Variants in ST7 observed in about 807,000 individuals in gnomAD.
ST7 encodes suppression of tumorigenicity 7, also known as suppressor of tumorigenicity 7 protein.
Under a neutral mutation model 78.7 loss-of-function variants are expected in ST7, and 28 were observed. That is an observed-to-expected ratio of 0.36 (90% CI 0.26 to 0.49). ST7 has a LOEUF of 0.49. ST7 is among the 20% of genes least tolerant of loss of function. The pLI, the probability that ST7 is intolerant of heterozygous loss-of-function variation, is 0.99. For synonymous variants in ST7, 247 were observed against 249.6 expected (o/e 0.99, Z 0.10); for missense variants, 418 against 696.0 (o/e 0.60, Z 4.49).
chr7:117,085,289 G>A (rs138263472), intron 1 of ST7, among the ~76,000 whole-genome samples: 1 of 152,146 alleles, frequency 6.6e-6, no homozygotes, highest in East Asian at 1.9e-4. Context: ...GCAGCTGTTG[G>A]TCTGTCTCAT....
chr7:116,978,317 C>T (rs1403038989), intron 1 of ST7, among the ~76,000 whole-genome samples: 1 of 152,184 alleles, frequency 6.6e-6, no homozygotes, highest in African/African-American at 2.4e-5. Flanking sequence ...CCAGGAGGCA[C>T]CAGCTTCCAC....
chr7:117,085,522 A>G (rs558648272), intron 1 of ST7, among the ~76,000 whole-genome samples: 10 of 152,332 alleles, frequency 6.6e-5, no homozygotes, highest in African/African-American at 2.4e-4. Context: ...GTGTGCGATG[A>G]CTATTTGCTA....
At chr7:116,986,111 ATGT>A (rs1794178833) in intron 1 of ST7, among the ~76,000 whole-genome samples, 2 of 152,240 alleles carry the variant, frequency 1.3e-5, no homozygotes, top group South Asian at 4.1e-4. Flanking sequence ...GGGACTACAG[ATGT>A]GAGCCACCAC....
chr7:117,209,901 G>A lies in ST7; in HGVS notation c.1369G>A (p.Gly457Arg), dbSNP rs1346701913. 8.7e-6 allele frequency: 14 copies of A among 1,614,034 alleles called. No individual in the cohort carries two copies. Among genetic ancestry groups the A allele is most frequent in the Non-Finnish European group, 1.2e-5 (14 of 1,179,982 alleles). The change falls in exon 13 of 16, where the codon GGG becomes AGG. Residue 457 changes from glycine to arginine, a missense_variant. Physicochemically the swap from Gly to Arg is moderately radical, Grantham distance 125. This residue lies in a region of ST7 where 288 missense variants were observed against 537.1 expected (regional missense o/e 0.54). Transcript: ENST00000323984. ...TCTTGCACACTGGAAGAGAGTGGAA[G>A]GGGCTTTGAATCTTTTGCATTGTAC... Reference protein sequence around the residue: ...FHLAHWKRVEGALNLLHCTWE... With the variant: ...FHLAHWKRVERALNLLHCTWE...
chr7:117,146,039 A>C (rs1805762209), intron 9 of ST7: 1 of 152,082 alleles, frequency 6.6e-6, no homozygotes, highest in African/African-American at 2.4e-5. Context: ...CAGGGTTTTT[A>C]GTTTTTATCA....
intron 12 of ST7, among the ~76,000 whole-genome samples, chr7:117,196,938 T>G (rs1264022179): frequency 6.6e-6 from 1 of 152,192 alleles, no homozygotes; most frequent in Non-Finnish European, 1.5e-5. Context: ...TTTAAATTTT[T>G]AATGCATTTT....
chr7:117,199,478 A>T (rs1181924791), intron 12 of ST7, among the ~76,000 whole-genome samples: 3 of 152,168 alleles, frequency 2.0e-5, no homozygotes, highest in Non-Finnish European at 4.4e-5. Flanking sequence ...ACATATTTGA[A>T]CTACTTTTAC....
At chr7:116,967,299 G>A in intron 1 of ST7, 1 of 471,138 alleles carries the variant, frequency 2.1e-6, no homozygotes, top group Non-Finnish European at 4.4e-6. Flanking sequence ...ACCCGCAGTG[G>A]TGGTGGCCAT....
At chr7:117,069,627 C>T (rs973827542) in intron 1 of ST7, among the ~76,000 whole-genome samples, 1 of 152,198 alleles carries the variant, frequency 6.6e-6, no homozygotes, top group Non-Finnish European at 1.5e-5. Context: ...ATCCCCTTGA[C>T]TTGTTACTTC....
chr7:117,046,095 T>C (rs1036530224), intron 1 of ST7, among the ~76,000 whole-genome samples: 25 of 152,328 alleles, frequency 1.6e-4, no homozygotes, highest in African/African-American at 5.8e-4. Context: ...ATTATGTACC[T>C]TGCTGAAAAC....
intron 12 of ST7, among the ~76,000 whole-genome samples, chr7:117,208,902 GGTGTGTGTGTGTGTGTGTGTGT>G (rs58017025): frequency 1.4e-5 from 2 of 139,796 alleles, no homozygotes; most frequent in South Asian, 2.4e-4. Context: ...TGTATGTGTG[GGTGTGTGTGTGTGTGTGTGTGT>G]GTGTGTGTGT....
At chr7:117,043,255 T>C (rs1797323731) in intron 1 of ST7, among the ~76,000 whole-genome samples, 1 of 152,204 alleles carries the variant, frequency 6.6e-6, no homozygotes, top group South Asian at 2.1e-4. Flanking sequence ...TATTTTGACT[T>C]AAAGCCTCCC....
In ST7 at chr7:116,953,522, C is replaced by A; in HGVS notation, c.-19C>A. On this transcript the variant is annotated 5_prime_UTR_variant, in exon 1 of 16. Transcript: ENST00000323984. Reference sequence around the variant, plus strand: ...CGGCAGACACCAAGAGCCGCGGCAGCAGAGAGGAGCGCTGAAACATGGCTG... The same window carrying A: ...CGGCAGACACCAAGAGCCGCGGCAGAAGAGAGGAGCGCTGAAACATGGCTG... 1 of 1,340,080 alleles carries A rather than the reference C, an allele frequency of 7.5e-7. No homozygotes were observed. Among genetic ancestry groups the A allele is most frequent in the Non-Finnish European group, 9.8e-7 (1 of 1,020,018 alleles). 83.0% of individuals were successfully genotyped at this position (1,340,080 alleles called of 1,614,324 possible).
intron 9 of ST7, among the ~76,000 whole-genome samples, chr7:117,166,915 A>G (rs921806894): frequency 6.6e-6 from 1 of 151,842 alleles, no homozygotes; most frequent in Non-Finnish European, 1.5e-5. Flanking sequence ...CTTTATGACA[A>G]TATTGGAAGG....
At chr7:117,034,564 A>G (rs1455642212) in intron 1 of ST7, among the ~76,000 whole-genome samples, 4 of 152,194 alleles carry the variant, frequency 2.6e-5, no homozygotes, top group African/African-American at 9.6e-5. Context: ...TGAAATGTGA[A>G]TGGAATTTAT....
intron 12 of ST7, among the ~76,000 whole-genome samples, chr7:117,196,622 G>T (rs1810329209): frequency 9.7e-6 from 1 of 102,848 alleles, no homozygotes; most frequent in African/African-American, 3.9e-5. Flanking sequence ...CAGATTGTTG[G>T]GCTTTTTTTT....
At chr7:117,048,662 C>T (rs868001522) in intron 1 of ST7, among the ~76,000 whole-genome samples, 1 of 152,158 alleles carries the variant, frequency 6.6e-6, no homozygotes, top group African/African-American at 2.4e-5. Context: ...TAGGCTCTGT[C>T]GTAAATTCTG....
chr7:117,185,749 C>T (rs1353000765), intron 10 of ST7, among the ~76,000 whole-genome samples: 4 of 152,030 alleles, frequency 2.6e-5, no homozygotes, highest in Non-Finnish European at 5.9e-5. Context: ...ATGGTGAAAC[C>T]CTGTCTCTAC....
At chr7:117,128,500 CA>C in intron 3 of ST7, among the ~76,000 whole-genome samples, 1 of 151,750 alleles carries the variant, frequency 6.6e-6, no homozygotes, top group Non-Finnish European at 1.5e-5. Context: ...AGCTAAGTGA[CA>C]AAAAATTTAG....
Sources: gnomAD v4.1 joint callset for allele counts (sites outside exome capture counted in the v4.1 genomes callset) on GRCh38, gnomAD v4.1.1 for gene constraint, gnomAD v4.1.1 regional missense constraint, MANE v1.5 for transcripts, NCBI Gene and HGNC (gene_info 2026-07-23, HGNC 2026-07-21) for gene names.